INPP4A: variants seen among roughly 807,000 people sequenced by gnomAD.
INPP4A encodes inositol polyphosphate-4-phosphatase, type I, 107kD.
In INPP4A, 33 loss-of-function variants were observed where a neutral mutation model predicts 119.8. The ratio of observed to expected loss-of-function variants is 0.28; its 90% CI spans 0.21 to 0.37. INPP4A has a LOEUF of 0.37. Ranked by LOEUF, INPP4A falls within the 10% of genes least tolerant of loss-of-function variation. The pLI, the probability that INPP4A is intolerant of heterozygous loss-of-function variation, is 1.00. For missense variants in INPP4A, 956 were observed against 1,289.9 expected (o/e 0.74, Z 3.97); for synonymous variants, 496 against 500.7 (o/e 0.99, Z 0.12).
At chr2:98,471,710 G>A (rs975281528) in intron 1 of INPP4A, among the ~76,000 whole-genome samples, 1 of 152,132 alleles carries the variant, frequency 6.6e-6, no homozygotes, top group Admixed American at 6.5e-5. Flanking sequence ...TATAAATGTC[G>A]AAGCCTCCCA....
chr2:98,574,115 G>A (rs563756693), intron 23 of INPP4A, among the ~76,000 whole-genome samples: 143 of 152,260 alleles, frequency 9.4e-4, no homozygotes, highest in Non-Finnish European at 1.7e-3. Context: ...TATCCTCTTG[G>A]TTTTGGGGCC....
chr2:98,468,093 CAGTG>C (rs140321250), intron 1 of INPP4A, among the ~76,000 whole-genome samples: 13,019 of 152,254 alleles, frequency 0.086, 798 homozygotes, highest in Non-Finnish European at 0.13. Context: ...CTTTCCAACT[CAGTG>C]AGACCATGAA....
intron 4 of INPP4A, among the ~76,000 whole-genome samples, chr2:98,523,235 G>A (rs191348924): frequency 2.0e-5 from 3 of 152,262 alleles, no homozygotes; most frequent in Non-Finnish European, 2.9e-5. Context: ...ATCCTCATCC[G>A]CCTATAAATC....
rs765686467 is a variant in INPP4A, at chr2:98,539,610, G to C, written c.753G>C (p.Glu251Asp). The part of the protein sequence containing the change: ...NHLRILEQMA[E>D]SVLSLHVPRQ... ...TGCGGATCCTGGAGCAGATGGCAGA[G>C]AGCGTGCTCTCCCTGCACGTGCCCC... is the stretch of plus-strand genomic sequence containing the variant. Residue 251 changes from glutamate to aspartate, a missense_variant, in exon 10 of 25, where the codon GAG becomes GAC. By Grantham distance (45) the Glu-to-Asp change is conservative (BLOSUM62 2). Coordinates refer to ENST00000409851, the MANE Select transcript of INPP4A (RefSeq NM_001134225.2). 2 of 1,612,334 alleles carry C rather than the reference G, an allele frequency of 1.2e-6. No individual in the cohort carries two copies. Among genetic ancestry groups the C allele is most frequent in the Non-Finnish European group, 1.7e-6 (2 of 1,179,120 alleles).
chr2:98,576,964 G>T, intron 23 of INPP4A, 25 bp from the exon 24 acceptor site: 1 of 1,602,472 alleles, frequency 6.2e-7, no homozygotes. Flanking sequence ...TCGCCTCTAA[G>T]CACGGCCCAT....
Position 98,590,353 on chromosome 2 carries a change from A to G in INPP4A, c.*2745A>G, listed in dbSNP as rs1477617553. On this transcript the variant is annotated 3_prime_UTR_variant, in exon 25 of 25. Coordinates refer to ENST00000409851, the MANE Select transcript of INPP4A (RefSeq NM_001134225.2). ...GCAGAGGGGCAACAGCGTTGAGGTT[A>G]AGAGCACGGACTTTGGGAGCACACA... is the stretch of plus-strand genomic sequence containing the variant. The G allele has an allele frequency of 1.6e-5, 3 of 186,914 alleles. No homozygotes were observed. The highest frequency in any genetic ancestry group is 3.4e-5 in the Non-Finnish European group (3 of 88,588). The allele number at this position is 186,914 out of a possible 1,614,324, so 11.6% of individuals were successfully genotyped here. A position where few individuals can be genotyped will look rare whatever the true frequency, so the allele number is the denominator to read the frequency against.
In INPP4A at chr2:98,512,480, C is replaced by T. The variant is rs185370845; in HGVS notation, c.-165-6484C>T. On this transcript the variant is annotated intron_variant, in intron 1 of 24. Coordinates refer to ENST00000409851, the MANE Select transcript of INPP4A (RefSeq NM_001134225.2). ...GTAAAGAAAAGCAACTTATTTCTTA[C>T]AGTCTGGAGGCTGGGAAGTCCTGGA... 9.2e-5 allele frequency among the ~76,000 whole-genome samples: 14 copies of T among 152,332 alleles called. No homozygotes were observed. In the East Asian group the frequency reaches 2.7e-3, roughly 29 times the overall value.
At chr2:98,502,038 C>G (rs1485805992) in intron 1 of INPP4A, among the ~76,000 whole-genome samples, 1 of 152,242 alleles carries the variant, frequency 6.6e-6, no homozygotes. Context: ...GTACACTGTT[C>G]TGGAATGATG....
In INPP4A at chr2:98,587,831, G is replaced by T; in HGVS notation, c.*223G>T. 1 of 415,722 alleles carries T rather than the reference G, an allele frequency of 2.4e-6. No individual in the cohort carries two copies. The highest frequency in any genetic ancestry group is 4.2e-6 in the Non-Finnish European group (1 of 236,768). 25.8% of individuals were successfully genotyped at this position (415,722 alleles called of 1,614,324 possible). On this transcript the variant is annotated 3_prime_UTR_variant, in exon 25 of 25. Transcript: ENST00000409851. ...AATGTTTGGCTCAATAGTGTGGATA[G>T]TAACAACTGCCTATTTAAATTAAAT...
intron 23 of INPP4A, among the ~76,000 whole-genome samples, chr2:98,574,247 G>A (rs1178075709): frequency 6.6e-6 from 1 of 152,004 alleles, no homozygotes; most frequent in Non-Finnish European, 1.5e-5. Context: ...TTTCCTGGGG[G>A]GTTGCTAAAC....
chr2:98,582,746 C>T (rs1201772417), intron 24 of INPP4A, among the ~76,000 whole-genome samples: 4 of 150,432 alleles, frequency 2.7e-5, no homozygotes, highest in South Asian at 4.2e-4. Flanking sequence ...CTACTGCATA[C>T]GCCAGACACA....
At chr2:98,556,330 AAC>A (rs1468902553) in intron 16 of INPP4A, among the ~76,000 whole-genome samples, 1 of 152,184 alleles carries the variant, frequency 6.6e-6, no homozygotes, top group Non-Finnish European at 1.5e-5. Flanking sequence ...GGGACTTGGT[AAC>A]ACAGAGAATG....
At chr2:98,551,518 C>T (rs1693514589) in intron 13 of INPP4A, among the ~76,000 whole-genome samples, 1 of 152,192 alleles carries the variant, frequency 6.6e-6, no homozygotes, top group Admixed American at 6.5e-5. Flanking sequence ...GCATGTTTGC[C>T]ACATAATCCA....
chr2:98,454,116 T>A (rs1695677742), intron 1 of INPP4A, among the ~76,000 whole-genome samples: 1 of 151,940 alleles, frequency 6.6e-6, no homozygotes, highest in South Asian at 2.1e-4. Context: ...CAAAAAAAAA[T>A]TTAACTCTGG....
At chr2:98,512,403 G>T (rs1255025925) in intron 1 of INPP4A, among the ~76,000 whole-genome samples, 1 of 152,202 alleles carries the variant, frequency 6.6e-6, no homozygotes, top group African/African-American at 2.4e-5. Context: ...GTTGACACCT[G>T]TCTTAATCCA....
At chr2:98,582,446 A>G (rs1353959277) in intron 24 of INPP4A, among the ~76,000 whole-genome samples, 1 of 152,098 alleles carries the variant, frequency 6.6e-6, no homozygotes, top group African/African-American at 2.4e-5. Flanking sequence ...TGCATACGCC[A>G]GACACAGAAA....
chr2:98,555,180 T>C (rs1352487108), intron 15 of INPP4A, among the ~76,000 whole-genome samples: 1 of 152,160 alleles, frequency 6.6e-6, no homozygotes, highest in Non-Finnish European at 1.5e-5. Flanking sequence ...TTCTGTTCCC[T>C]TCTATCAAAA....
intron 1 of INPP4A, among the ~76,000 whole-genome samples, chr2:98,510,379 C>T (rs557931496): frequency 6.6e-6 from 1 of 152,172 alleles, no homozygotes; most frequent in Non-Finnish European, 1.5e-5. Flanking sequence ...CTGGAGCATC[C>T]TCCTCTGCCC....
chr2:98,506,255 G>A (rs191466401), intron 1 of INPP4A, among the ~76,000 whole-genome samples: 4 of 152,344 alleles, frequency 2.6e-5, no homozygotes, highest in Admixed American at 1.3e-4. Context: ...GGTAGTAGTC[G>A]AATTAATGTG....
Sources: gnomAD v4.1 joint callset for allele counts (sites outside exome capture counted in the v4.1 genomes callset) on GRCh38, gnomAD v4.1.1 for gene constraint, MANE v1.5 for transcripts, NCBI Gene and HGNC (gene_info 2026-07-23, HGNC 2026-07-21) for gene names.